The following SLC5A7 variants were observed in gnomAD, a reference collection of about 807,000 sequenced individuals.
The protein encoded by SLC5A7 is high affinity choline transporter 1.
SLC5A7 carries 19 observed loss-of-function variants against 55.4 expected under a neutral mutation model. The observed-to-expected ratio is 0.34, with a 90% CI of 0.24 to 0.50. SLC5A7 has a LOEUF of 0.50. Ranked by LOEUF, SLC5A7 falls within the 20% of genes least tolerant of loss-of-function variation. The pLI is 0.98. For missense variants in SLC5A7, 506 were observed against 705.3 expected, an observed-to-expected ratio of 0.72 and a Z score of 3.20; for synonymous variants, 265 against 263.7, an observed-to-expected ratio of 1.00 and a Z score of -0.05.
rs1678385294 is a variant in SLC5A7, at chr2:108,012,790, A to T, written c.*1929A>T. 6.6e-6 allele frequency: 1 copy of T among 152,190 alleles called. No homozygotes were observed. The allele number at this position is 152,190 out of a possible 1,614,324, so 9.4% of individuals were successfully genotyped here. On this transcript the variant is annotated 3_prime_UTR_variant, in exon 9 of 9. Transcript: ENST00000264047. ...ATTCTCAGGTATTGATTGAAAAAAG[A>T]GAAAGGGGCAAGAAATTCATTAAAG...
At chr2:108,007,283 T>C (rs1678161045) in intron 7 of SLC5A7, among the ~76,000 whole-genome samples, 1 of 152,122 alleles carries the variant, frequency 6.6e-6, no homozygotes, top group Non-Finnish European at 1.5e-5. Flanking sequence ...AGTAGAGTCT[T>C]TTATTGGATT....
rs1678371316 is a variant in SLC5A7 at position 108,012,534 on chromosome 2, A to G, written c.*1673A>G. 6.6e-6 allele frequency: 1 copy of G among 152,164 alleles called. No homozygotes were observed. The highest frequency in any genetic ancestry group is 2.1e-4 in the South Asian group (1 of 4,832). 9.4% of individuals were successfully genotyped at this position (152,164 alleles called of 1,614,324 possible). ...ATTAAACATGAATTTAATGTCTAGG[A>G]TAATTTTTAAAAGAGGAAATTAAAT... is the stretch of plus-strand genomic sequence containing the variant. On this transcript the variant is annotated 3_prime_UTR_variant, in exon 9 of 9. Transcript: ENST00000264047.
chr2:108,010,552 A>G lies in SLC5A7; in HGVS notation c.1434A>G (p.Pro478=), dbSNP rs761926640. The change falls in exon 9 of 9, where the codon CCA becomes CCG. Residue 478 remains proline (P), a synonymous_variant. Coordinates refer to ENST00000264047, the MANE Select transcript of SLC5A7 (RefSeq NM_021815.5). The stretch of plus-strand genomic sequence containing the variant: ...ATGGTATATATAATCAGAAATTTCC[A>G]TTTAAAACACTTGCCATGGTTACAT... ...DDNGIYNQKF[P]FKTLAMVTSF... is the part of the protein sequence containing the mutation. The G allele has an allele frequency of 1.5e-4, 243 of 1,613,686 alleles. 2 individuals carry two copies. Among genetic ancestry groups the G allele is most frequent in the Non-Finnish European group, 2.0e-4 (231 of 1,179,868 alleles).
intron 8 of SLC5A7, among the ~76,000 whole-genome samples, chr2:108,009,349 C>CT (rs2104380816): frequency 6.6e-6 from 1 of 152,080 alleles, no homozygotes; most frequent in East Asian, 1.9e-4. Flanking sequence ...TTTAATTTTA[C>CT]TTTAAGTTCT....
intron 4 of SLC5A7, among the ~76,000 whole-genome samples, chr2:107,996,552 T>C (rs1030956684): frequency 5.9e-5 from 9 of 152,178 alleles, no homozygotes; most frequent in African/African-American, 2.2e-4. Context: ...CAACTGATGA[T>C]ACATAAAATC....
chr2:107,995,504 G>C (rs1312963831), intron 4 of SLC5A7, among the ~76,000 whole-genome samples: 1 of 132,046 alleles, frequency 7.6e-6, no homozygotes, highest in Non-Finnish European at 1.6e-5. Flanking sequence ...TGTGTGTGAA[G>C]TTACTTACTG....
Position 108,001,929 on chromosome 2 carries a change from T to C in SLC5A7, c.630T>C (p.Pro210=). ...GCGTCCCCTTTGCATTGTCACATCC[T>C]GCAGTCGCAGACATCGGGTTCACTG... ...WISVPFALSH[P]AVADIGFTAV... Residue 210 remains proline (P), a synonymous_variant, in exon 6 of 9, where the codon CCT becomes CCC. Coordinates refer to ENST00000264047, the MANE Select transcript of SLC5A7 (RefSeq NM_021815.5). 6.2e-7 allele frequency: 1 copy of C among 1,614,188 alleles called. No homozygotes were observed. The highest frequency in any genetic ancestry group is 2.2e-5 in the East Asian group (1 of 44,882).
chr2:108,005,584 T>C (rs894687007), intron 6 of SLC5A7, among the ~76,000 whole-genome samples: 6 of 152,206 alleles, frequency 3.9e-5, no homozygotes, highest in Admixed American at 6.5e-5. Context: ...TAACAAAGCA[T>C]CATAAACGGA....
chr2:107,990,450 TAA>T (rs886752147), intron 2 of SLC5A7, among the ~76,000 whole-genome samples: 2 of 152,122 alleles, frequency 1.3e-5, no homozygotes, highest in African/African-American at 4.8e-5. Flanking sequence ...GGTAGAAAGA[TAA>T]AGTCTCAAGT....
In SLC5A7 at chr2:108,001,686, A is replaced by G. The variant is rs563917559; in HGVS notation, c.598-211A>G. The stretch of plus-strand genomic sequence containing the variant: ...AGACTCCGTCTCAAAAAAAAAAAAA[A>G]AAAGAAAAGAAATAGTCAATGTGTT... On this transcript the variant is annotated intron_variant, in intron 5 of 8. Transcript: ENST00000264047. Among the ~76,000 whole-genome samples the G allele has an allele frequency of 0.013, 2,008 of 151,140 alleles. 21 individuals are homozygous for G. The highest frequency in any genetic ancestry group is 0.027 in the Middle Eastern group (8 of 294).
chr2:107,990,304 C>G (rs969205888), intron 2 of SLC5A7, among the ~76,000 whole-genome samples: 1 of 152,096 alleles, frequency 6.6e-6, no homozygotes. Context: ...GATTCAGTCA[C>G]CAATTTTCTT....
intron 4 of SLC5A7, among the ~76,000 whole-genome samples, chr2:107,995,421 G>C (rs921730360): frequency 1.3e-5 from 2 of 150,544 alleles, no homozygotes; most frequent in African/African-American, 4.9e-5. Flanking sequence ...TAAAAACATT[G>C]CTGCTATTGC....
chr2:108,001,280 A>G (rs1443906423), intron 5 of SLC5A7, among the ~76,000 whole-genome samples: 1 of 152,136 alleles, frequency 6.6e-6, no homozygotes, highest in African/African-American at 2.4e-5. Context: ...AGATAGATAC[A>G]TAGATAGATT....
chr2:108,008,687 G>A lies in SLC5A7; in HGVS notation c.1113+5G>A, dbSNP rs1209997762. 3 of 1,610,198 alleles carry A rather than the reference G, an allele frequency of 1.9e-6. No individual in the cohort carries two copies. On this transcript the variant is annotated splice_donor_5th_base_variant and intron_variant, in intron 8 of 8. Transcript: ENST00000264047. Reference sequence around the variant, plus strand: ...CAGCTTTCCTTCAGACAAAATGTAAGAACAGTTTCTTTCAACCTGACATTT... The same window carrying A: ...CAGCTTTCCTTCAGACAAAATGTAAAAACAGTTTCTTTCAACCTGACATTT...
intron 4 of SLC5A7, among the ~76,000 whole-genome samples, chr2:107,993,622 C>A (rs1169142489): frequency 6.6e-6 from 1 of 152,050 alleles, no homozygotes; most frequent in African/African-American, 2.4e-5. Flanking sequence ...CATTGTTTTC[C>A]CTCTAATAAC....
chr2:108,005,010 T>G (rs1398828927), intron 6 of SLC5A7, among the ~76,000 whole-genome samples: 1 of 152,234 alleles, frequency 6.6e-6, no homozygotes, highest in Non-Finnish European at 1.5e-5. Flanking sequence ...CAATAAGAAA[T>G]TTAAGCACAT....
Position 108,011,939 on chromosome 2 carries a change from C to G in SLC5A7, c.*1078C>G, listed in dbSNP as rs1480241705. ...TAGGAAAGATTTAATGTTACAGCATCTACTCTTTGGCACTTTTTCACATAA... is the reference window on the plus strand; with the variant it reads ...TAGGAAAGATTTAATGTTACAGCATGTACTCTTTGGCACTTTTTCACATAA... On this transcript the variant is annotated 3_prime_UTR_variant, in exon 9 of 9. Coordinates refer to ENST00000264047, the MANE Select transcript of SLC5A7 (RefSeq NM_021815.5). 2 of 152,556 alleles carry G rather than the reference C, an allele frequency of 1.3e-5. No homozygotes were observed. The highest frequency in any genetic ancestry group is 4.8e-5 in the African/African-American group (2 of 41,440). The allele number at this position is 152,556 out of a possible 1,614,324, so 9.5% of individuals were successfully genotyped here. A position where few individuals can be genotyped will look rare whatever the true frequency, so the allele number is the denominator to read the frequency against.
intron 8 of SLC5A7, among the ~76,000 whole-genome samples, 194 bp downstream of exon 8, chr2:108,008,876 T>C (rs950074990): frequency 6.6e-6 from 1 of 151,140 alleles, no homozygotes; most frequent in Non-Finnish European, 1.5e-5. Context: ...TTCTTATTCA[T>C]GTCAATACTA....
At chr2:108,001,279 CATAG>C (rs948810626) in intron 5 of SLC5A7, among the ~76,000 whole-genome samples, 9 of 151,944 alleles carry the variant, frequency 5.9e-5, no homozygotes, top group African/African-American at 1.2e-4. Flanking sequence ...CAGATAGATA[CATAG>C]ATAGATTGAC....
Sources: allele counts gnomAD v4.1 joint callset (sites outside exome capture counted in the v4.1 genomes callset), GRCh38; gene constraint gnomAD v4.1.1; transcripts MANE v1.5; gene names NCBI Gene and HGNC (gene_info 2026-07-23, HGNC 2026-07-21).